Variants in NEO1 observed in about 807,000 individuals in gnomAD.
NEO1 encodes the protein neogenin 1, also known as neogenin.
A neutral mutation model predicts 159.7 loss-of-function variants in NEO1; 63 were observed. The ratio of observed to expected loss-of-function variants is 0.39; its 90% confidence interval spans 0.32 to 0.49. The LOEUF (loss-of-function observed/expected upper bound fraction) is 0.49. NEO1 is among the 20% of genes least tolerant of loss of function. The pLI is 0.85. For missense variants in NEO1, 1,615 were observed against 1,831.0 expected (o/e 0.88, Z 2.15); for synonymous variants, 633 against 662.0 (o/e 0.96, Z 0.67).
At chr15:73,258,121 C>T (rs534720169) in intron 13 of NEO1, among the ~76,000 whole-genome samples, 3 of 152,112 alleles carry the variant, frequency 2.0e-5, no homozygotes, top group Non-Finnish European at 4.4e-5. Context: ...ATGTTTGTTG[C>T]GTTTGATACA....
At chr15:73,237,744 A>G (rs2039262237) in intron 8 of NEO1, among the ~76,000 whole-genome samples, 1 of 152,230 alleles carries the variant, frequency 6.6e-6, no homozygotes, top group African/African-American at 2.4e-5. Flanking sequence ...AAAAGGTAAG[A>G]CATTCCTACC....
chr15:73,175,068 T>G (rs1462819076), intron 5 of NEO1, among the ~76,000 whole-genome samples: 1 of 152,108 alleles, frequency 6.6e-6, no homozygotes, highest in African/African-American at 2.4e-5. Flanking sequence ...CAGGGCCTGC[T>G]CTAGACAGTG....
chr15:73,110,185 G>T (rs970938405), intron 1 of NEO1, among the ~76,000 whole-genome samples: 1 of 152,180 alleles, frequency 6.6e-6, no homozygotes. Flanking sequence ...GGAGACTGAC[G>T]AGAAGGGATG....
At chr15:73,133,317 A>G (rs941796768) in intron 4 of NEO1, among the ~76,000 whole-genome samples, 32 of 152,168 alleles carry the variant, frequency 2.1e-4, no homozygotes, top group East Asian at 3.9e-4. Flanking sequence ...CAAACATCCT[A>G]TGTTCTCACT....
chr15:73,222,691 G>A (rs1044377096), intron 7 of NEO1, among the ~76,000 whole-genome samples: 4 of 151,872 alleles, frequency 2.6e-5, no homozygotes, highest in African/African-American at 2.4e-5. Flanking sequence ...TTATCTTTTC[G>A]AAGAACCATA....
At chr15:73,267,411 T>TA (rs1002187969) in intron 16 of NEO1, among the ~76,000 whole-genome samples, 1 of 152,216 alleles carries the variant, frequency 6.6e-6, no homozygotes, top group African/African-American at 2.4e-5. Flanking sequence ...TATTATACTT[T>TA]AAGTTTTAGG....
At chr15:73,234,151 A>T (rs911396721) in intron 7 of NEO1, among the ~76,000 whole-genome samples, 1 of 152,174 alleles carries the variant, frequency 6.6e-6, no homozygotes, top group Non-Finnish European at 1.5e-5. Flanking sequence ...GTGTTTCTAG[A>T]TGGACATGCA....
intron 4 of NEO1, among the ~76,000 whole-genome samples, chr15:73,133,553 T>C (rs1400753549): frequency 6.6e-6 from 1 of 152,154 alleles, no homozygotes; most frequent in Non-Finnish European, 1.5e-5. Flanking sequence ...ATTGAAATAA[T>C]TTTTTTGAAA....
intron 1 of NEO1, among the ~76,000 whole-genome samples, chr15:73,107,416 G>C (rs1436199118): frequency 6.6e-6 from 1 of 152,188 alleles, no homozygotes. Flanking sequence ...AACTGCAGAA[G>C]ATAGAGAAGG....
chr15:73,265,485 A>G (rs1485954058), intron 15 of NEO1, among the ~76,000 whole-genome samples: 1 of 152,212 alleles, frequency 6.6e-6, no homozygotes, highest in Non-Finnish European at 1.5e-5. Context: ...AGCTAAGGAA[A>G]TGAATGAAAG....
At chr15:73,175,078 G>A (rs2035205974) in intron 5 of NEO1, among the ~76,000 whole-genome samples, 1 of 152,020 alleles carries the variant, frequency 6.6e-6, no homozygotes, top group African/African-American at 2.4e-5. Context: ...TCTAGACAGT[G>A]CAATAGGCCA....
intron 7 of NEO1, among the ~76,000 whole-genome samples, chr15:73,223,633 A>G (rs1013573759): frequency 6.6e-6 from 1 of 152,202 alleles, no homozygotes; most frequent in African/African-American, 2.4e-5. Flanking sequence ...ATTTGCATGC[A>G]ATGCCTTTTT....
At chr15:73,195,780 C>CTT (rs1332221510) in intron 7 of NEO1, among the ~76,000 whole-genome samples, 11 of 152,074 alleles carry the variant, frequency 7.2e-5, no homozygotes, top group African/African-American at 2.7e-4. Context: ...TAGAGTTCCT[C>CTT]TTCATTTTAC....
chr15:73,095,315 AAG>A (rs1315589875), intron 1 of NEO1, among the ~76,000 whole-genome samples: 2 of 152,212 alleles, frequency 1.3e-5, no homozygotes, highest in Non-Finnish European at 2.9e-5. Context: ...GTTTTTAAAA[AAG>A]AATTAAAAAA....
In NEO1 at chr15:73,107,429, G is replaced by T. The variant is rs79292029; in HGVS notation, c.131-9111G>T. The stretch of plus-strand genomic sequence containing the variant: ...ATAACTGCAGAAGATAGAGAAGGGA[G>T]TATTAAATGAAGTTTTGCAAAGGAG... On this transcript the variant is annotated intron_variant, in intron 1 of 28. Coordinates refer to ENST00000261908, the MANE Select transcript of NEO1 (RefSeq NM_002499.4). Among the ~76,000 whole-genome samples the T allele has an allele frequency of 4.0e-3, 610 of 152,272 alleles. 10 individuals are homozygous for T. The East Asian group carries it at 0.046, about 12-fold the overall frequency.
At chr15:73,112,372 C>T (rs984461284) in intron 1 of NEO1, among the ~76,000 whole-genome samples, 1 of 152,056 alleles carries the variant, frequency 6.6e-6, no homozygotes, top group African/African-American at 2.4e-5. Context: ...TTATATGTGA[C>T]ACAATTTTCC....
chr15:73,195,556 T>C (rs2036489063), intron 7 of NEO1, among the ~76,000 whole-genome samples: 1 of 152,208 alleles, frequency 6.6e-6, no homozygotes. Context: ...TATTAACATT[T>C]TAAATGTTAC....
At chr15:73,280,147 G>A (rs911406530) in intron 22 of NEO1, among the ~76,000 whole-genome samples, 9 of 152,120 alleles carry the variant, frequency 5.9e-5, no homozygotes, top group African/African-American at 1.9e-4. Context: ...CAGGCCAGGC[G>A]TGGTGGTATG....
At chr15:73,207,890 G>A (rs2037325814) in intron 7 of NEO1, among the ~76,000 whole-genome samples, 1 of 151,986 alleles carries the variant, frequency 6.6e-6, no homozygotes, top group African/African-American at 2.4e-5. Flanking sequence ...ACCTGTCTTT[G>A]GGATTAATAT....
Sources: gnomAD v4.1 joint callset for allele counts (sites outside exome capture counted in the v4.1 genomes callset) on GRCh38, gnomAD v4.1.1 for gene constraint, MANE v1.5 for transcripts, NCBI Gene and HGNC (gene_info 2026-07-23, HGNC 2026-07-21) for gene names.